Variants in SLCO4C1 observed in about 807,000 individuals in gnomAD.
SLCO4C1 encodes organic anion transporter M1.
SLCO4C1 carries 58 observed loss-of-function variants against 72.1 expected under a neutral mutation model. The ratio of observed to expected loss-of-function variants is 0.80; its 90% CI spans 0.65 to 1.00. The LOEUF is 1.00. Among genes scored for constraint, SLCO4C1 ranks in the 50% least tolerant of loss-of-function variants. The pLI is 0.00. For missense variants in SLCO4C1, 898 were observed against 857.9 expected (o/e 1.05, Z -0.58); for synonymous variants, 297 against 312.5 (o/e 0.95, Z 0.52).
At chr5:102,239,782 T>C (rs1470998973) in intron 11 of SLCO4C1, among the ~76,000 whole-genome samples, 1 of 152,076 alleles carries the variant, frequency 6.6e-6, no homozygotes, top group Non-Finnish European at 1.5e-5. Context: ...GTATATGTTG[T>C]ATCTATGTGG....
At chr5:102,280,113 AAAAG>A (rs1436592617) in intron 2 of SLCO4C1, among the ~76,000 whole-genome samples, 7 of 137,976 alleles carry the variant, frequency 5.1e-5, no homozygotes, top group African/African-American at 1.9e-4. Context: ...AAAAAAAAAA[AAAAG>A]AGAAAGAAAA....
intron 2 of SLCO4C1, among the ~76,000 whole-genome samples, chr5:102,283,148 G>A (rs1219533029): frequency 6.6e-6 from 1 of 150,910 alleles, no homozygotes; most frequent in African/African-American, 2.4e-5. Context: ...GTTCAAAAGT[G>A]TTTGGTCAGA....
intron 1 of SLCO4C1, among the ~76,000 whole-genome samples, chr5:102,293,879 C>A (rs1749600075): frequency 6.6e-6 from 1 of 152,110 alleles, no homozygotes; most frequent in South Asian, 2.1e-4. Context: ...GGACTACAGG[C>A]GTGTGCCACC....
intron 2 of SLCO4C1, among the ~76,000 whole-genome samples, chr5:102,274,918 G>T (rs1279084366): frequency 6.6e-6 from 1 of 152,036 alleles, no homozygotes; most frequent in African/African-American, 2.4e-5. Context: ...GGGGAATTTA[G>T]CTCAATCCTA....
chr5:102,270,557 C>T (rs1749130824), intron 3 of SLCO4C1, 67 bp downstream of exon 3: 15 of 1,379,660 alleles, frequency 1.1e-5, no homozygotes, highest in Admixed American at 2.6e-5. Context: ...CTATGTTATA[C>T]TTTACTTCTA....
intron 2 of SLCO4C1, among the ~76,000 whole-genome samples, chr5:102,273,616 A>G (rs955921023): frequency 6.6e-6 from 1 of 152,200 alleles, no homozygotes; most frequent in Non-Finnish European, 1.5e-5. Flanking sequence ...TCATTCAAAT[A>G]TAAAGACAAA....
chr5:102,273,580 C>T (rs890961545), intron 2 of SLCO4C1, among the ~76,000 whole-genome samples: 12 of 152,072 alleles, frequency 7.9e-5, no homozygotes, highest in African/African-American at 2.9e-4. Flanking sequence ...TAATGTGACC[C>T]TTATATTTTA....
chr5:102,255,311 A>G (rs1748814482), intron 8 of SLCO4C1, among the ~76,000 whole-genome samples: 1 of 152,204 alleles, frequency 6.6e-6, no homozygotes, highest in African/African-American at 2.4e-5. Context: ...CACACCTGGT[A>G]GTAACTATTA....
intron 4 of SLCO4C1, among the ~76,000 whole-genome samples, chr5:102,263,106 C>T (rs924166790): frequency 3.3e-5 from 5 of 152,234 alleles, no homozygotes; most frequent in Middle Eastern, 3.4e-3. Context: ...CCAACCTGTG[C>T]GTATCAACTA....
rs1163234010 is a variant in SLCO4C1 at position 102,295,913 on chromosome 5, G to A, written c.350C>T (p.Thr117Met). The part of the protein sequence containing the change: ...FLLHYCLLAV[T>M]QGIVVNGLVN... Reference sequence around the variant, plus strand: ...AAGCGGGCGCTGGACTTTACCTTGCGTGACGGCCAAGAGGCAGTAGTGAAG... The same window carrying A: ...AAGCGGGCGCTGGACTTTACCTTGCATGACGGCCAAGAGGCAGTAGTGAAG... Residue 117 changes from threonine to methionine, a missense_variant, in exon 1 of 13, where the codon ACG (threonine) becomes ATG (methionine). By Grantham distance (81) the Thr-to-Met change is moderately conservative (BLOSUM62 -1). Transcript: ENST00000310954. 9 of 1,611,750 alleles carry A rather than the reference G, an allele frequency of 5.6e-6. No homozygotes were observed. The highest frequency in any genetic ancestry group is 1.7e-5 in the Admixed American group (1 of 59,926).
At chr5:102,245,085 T>A (rs573095999) in intron 10 of SLCO4C1, among the ~76,000 whole-genome samples, 1 of 152,200 alleles carries the variant, frequency 6.6e-6, no homozygotes, top group South Asian at 2.1e-4. Context: ...TACAACAACT[T>A]TTCAAGACAT....
At chr5:102,277,756 A>T (rs1337265611) in intron 2 of SLCO4C1, among the ~76,000 whole-genome samples, 1 of 152,028 alleles carries the variant, frequency 6.6e-6, no homozygotes, top group Non-Finnish European at 1.5e-5. Context: ...TTAAGACAGA[A>T]GATTTAAATA....
intron 3 of SLCO4C1, 32 bp from the exon 4 acceptor site, chr5:102,263,812 C>A: frequency 7.2e-6 from 11 of 1,519,936 alleles, no homozygotes; most frequent in Non-Finnish European, 1.0e-5. Flanking sequence ...TGAATACAGT[C>A]ATATGTACAA....
At chr5:102,291,669 A>T in intron 1 of SLCO4C1, 63 bp from the exon 2 acceptor site, 1 of 1,375,340 alleles carries the variant, frequency 7.3e-7, no homozygotes, top group East Asian at 2.3e-5. Flanking sequence ...GATTATTAAC[A>T]CAATGAAGTA....
chr5:102,263,513 G>A (rs979838035), intron 4 of SLCO4C1, among the ~76,000 whole-genome samples, 171 bp downstream of exon 4: 4 of 152,048 alleles, frequency 2.6e-5, no homozygotes, highest in Non-Finnish European at 5.9e-5. Context: ...TGACCCAAAA[G>A]GTAATGCAGC....
chr5:102,264,641 C>T (rs986063236), intron 3 of SLCO4C1, among the ~76,000 whole-genome samples: 3 of 151,882 alleles, frequency 2.0e-5, no homozygotes, highest in Non-Finnish European at 2.9e-5. Context: ...TTCAACATCC[C>T]CTCTTCTAGC....
At chr5:102,244,820 A>T (rs1390562756) in intron 10 of SLCO4C1, among the ~76,000 whole-genome samples, 1 of 152,212 alleles carries the variant, frequency 6.6e-6, no homozygotes, top group East Asian at 1.9e-4. Flanking sequence ...ATGAAGGAGA[A>T]GTAAAGACTT....
At chr5:102,267,023 G>A (rs1406442773) in intron 3 of SLCO4C1, among the ~76,000 whole-genome samples, 1 of 152,034 alleles carries the variant, frequency 6.6e-6, no homozygotes, top group Non-Finnish European at 1.5e-5. Flanking sequence ...ATTGAATTTG[G>A]CTAGCTATAA....
In SLCO4C1 at chr5:102,243,391, A is replaced by C. The variant is rs73187450; in HGVS notation, c.1812-2609T>G. ...GGAGTAGTTACAAAAGACCTTGGAA[A>C]AGACCCAAAACTGTGCTGGCTTCAG... On this transcript the variant is annotated intron_variant, in intron 10 of 12. Transcript: ENST00000310954. Among the ~76,000 whole-genome samples the C allele has an allele frequency of 3.0e-3, 458 of 152,316 alleles. 1 individual carries two copies. Among genetic ancestry groups the C allele is most frequent in the African/African-American group, 9.8e-3 (408 of 41,572 alleles).
Sources: allele counts gnomAD v4.1 joint callset (sites outside exome capture counted in the v4.1 genomes callset), GRCh38; gene constraint gnomAD v4.1.1; transcripts MANE v1.5; gene names NCBI Gene and HGNC (gene_info 2026-07-23, HGNC 2026-07-21).